STXBP4: variants seen among roughly 807,000 people sequenced by gnomAD.
STXBP4 encodes the protein syntaxin binding protein 4.
In STXBP4, 55 loss-of-function variants were observed where a neutral mutation model predicts 76.1. That is an observed-to-expected ratio of 0.72 (90% CI 0.58 to 0.91). The LOEUF (loss-of-function observed/expected upper bound fraction) is 0.91. Among genes scored for constraint, STXBP4 ranks in the 40% least tolerant of loss-of-function variants. The pLI is 0.00. For synonymous variants in STXBP4, 201 were observed against 220.2 expected (o/e 0.91, Z 0.77); for missense variants, 618 against 636.9 (o/e 0.97, Z 0.32).
intron 17 of STXBP4, among the ~76,000 whole-genome samples, chr17:55,146,052 A>G (rs2080149464): frequency 6.6e-6 from 1 of 152,168 alleles, no homozygotes; most frequent in Non-Finnish European, 1.5e-5. Context: ...AGTCTTTGGT[A>G]TGATTCCACT....
intron 7 of STXBP4, among the ~76,000 whole-genome samples, 164 bp from the exon 8 acceptor site, chr17:55,007,339 CAAA>C (rs374486256): frequency 8.3e-6 from 1 of 120,650 alleles, no homozygotes. Flanking sequence ...GTCCCCCCTC[CAAA>C]AAAAAAAAAG....
intron 16 of STXBP4, among the ~76,000 whole-genome samples, chr17:55,126,319 A>G (rs556886758): frequency 2.0e-5 from 3 of 152,350 alleles, no homozygotes; most frequent in South Asian, 4.1e-4. Context: ...TTATACCTAC[A>G]TGCAATGAAG....
intron 1 of STXBP4, among the ~76,000 whole-genome samples, chr17:54,977,363 C>T (rs2077487628): frequency 6.6e-6 from 1 of 152,150 alleles, no homozygotes; most frequent in Non-Finnish European, 1.5e-5. Flanking sequence ...CTTTACTGAA[C>T]ATGTACACAC....
intron 10 of STXBP4, among the ~76,000 whole-genome samples, chr17:55,035,974 A>T (rs949057277): frequency 6.6e-5 from 10 of 152,106 alleles, no homozygotes; most frequent in African/African-American, 9.6e-5. Context: ...GAGCTAATTA[A>T]CATATGCTTT....
chr17:55,138,279 A>G (rs1036190601), intron 16 of STXBP4, among the ~76,000 whole-genome samples: 8 of 152,138 alleles, frequency 5.3e-5, no homozygotes, highest in Non-Finnish European at 1.2e-4. Context: ...ATAATAAAGG[A>G]TCAATAAATA....
intron 16 of STXBP4, among the ~76,000 whole-genome samples, chr17:55,138,874 T>C (rs1407090410): frequency 3.3e-5 from 5 of 152,084 alleles, no homozygotes; most frequent in Non-Finnish European, 1.5e-5. Context: ...AATTGGACAG[T>C]GATTGTTTTC....
intron 16 of STXBP4, among the ~76,000 whole-genome samples, chr17:55,097,246 C>G (rs2144998124): frequency 6.6e-6 from 1 of 152,266 alleles, no homozygotes; most frequent in East Asian, 1.9e-4. Context: ...GCTTCTTAGA[C>G]AAGTTATTTT....
At chr17:55,085,596 G>T (rs1037955393) in intron 16 of STXBP4, among the ~76,000 whole-genome samples, 4 of 151,592 alleles carry the variant, frequency 2.6e-5, no homozygotes, top group African/African-American at 9.7e-5. Flanking sequence ...CTATGCTGGG[G>T]AATAGATGAA....
At chr17:55,110,352 T>A (rs1254283632) in intron 16 of STXBP4, among the ~76,000 whole-genome samples, 1 of 152,202 alleles carries the variant, frequency 6.6e-6, no homozygotes, top group Non-Finnish European at 1.5e-5. Context: ...TGGCTTAGGA[T>A]GTGGACATCA....
chr17:54,990,962 A>C lies in STXBP4; in HGVS notation c.180+5A>C. 6.5e-7 allele frequency: 1 copy of C among 1,544,532 alleles called. No individual in the cohort carries two copies. Among genetic ancestry groups the C allele is most frequent in the Non-Finnish European group, 8.7e-7 (1 of 1,152,888 alleles). ...CCTGGAGGAGACTGTTATAAGGTAA[A>C]AATATGTCCCATGCCCACCAAAAAT... is the stretch of plus-strand genomic sequence containing the variant. On this transcript the variant is annotated splice_donor_5th_base_variant and intron_variant, in intron 4 of 17. Transcript: ENST00000376352.
chr17:55,092,252 A>G (rs2144972773), intron 16 of STXBP4, among the ~76,000 whole-genome samples: 1 of 152,258 alleles, frequency 6.6e-6, no homozygotes, highest in East Asian at 1.9e-4. Flanking sequence ...CAGAAATCAC[A>G]CCTAAAGAAC....
the STXBP4 span, among the ~76,000 whole-genome samples, chr17:55,189,211 C>T: frequency 6.6e-6 from 1 of 152,088 alleles, no homozygotes; most frequent in African/African-American, 2.4e-5. Context: ...CCAAGTAAAA[C>T]ATTAATAGAT....
chr17:55,206,505 A>T, the STXBP4 span, among the ~76,000 whole-genome samples: 2 of 151,854 alleles, frequency 1.3e-5, no homozygotes, highest in African/African-American at 4.8e-5. Flanking sequence ...CTTCTCTTAC[A>T]CTCTTCCTTT....
At chr17:55,033,342 C>T (rs2078543126) in intron 9 of STXBP4, among the ~76,000 whole-genome samples, 1 of 151,720 alleles carries the variant, frequency 6.6e-6, no homozygotes, top group South Asian at 2.1e-4. Flanking sequence ...CCACTGCACT[C>T]CAGCCTGGGT....
intron 12 of STXBP4, among the ~76,000 whole-genome samples, chr17:55,055,123 T>C (rs2078907799): frequency 6.6e-6 from 1 of 152,198 alleles, no homozygotes; most frequent in Admixed American, 6.5e-5. Flanking sequence ...TAATTTTGAA[T>C]ACTAGTTTTG....
intron 17 of STXBP4, 27 bp from the exon 18 acceptor site, chr17:55,159,770 T>G: frequency 6.8e-7 from 1 of 1,467,400 alleles, no homozygotes; most frequent in Non-Finnish European, 9.5e-7. Flanking sequence ...TCTTTCAGAT[T>G]CTAATTGCAT....
rs78172727 is a variant in STXBP4, at chr17:55,159,355, G to A, written c.1548-442G>A. 8.8e-3 allele frequency among the ~76,000 whole-genome samples: 1,344 copies of A among 152,310 alleles called. 18 individuals are homozygous for A. The highest frequency in any genetic ancestry group is 0.03 in the African/African-American group (1,261 of 41,560). On this transcript the variant is annotated intron_variant, in intron 17 of 17. Coordinates refer to ENST00000376352, the MANE Select transcript of STXBP4 (RefSeq NM_178509.6). ...GAATGTTTAGCAAGTGAGTAACAGC[G>A]TATGATTTGTCATTTAGAAAGTTCT...
At chr17:55,073,108 A>T (rs566939031) in intron 13 of STXBP4, 32 bp downstream of exon 13, 2 of 1,604,324 alleles carry the variant, frequency 1.2e-6, no homozygotes, top group Admixed American at 1.7e-5. Flanking sequence ...TCCAGTTACC[A>T]TGGTTTCCTT....
At chr17:55,177,575 C>T (rs915652143), downstream of STXBP4, among the ~76,000 whole-genome samples, 3 of 152,196 alleles carry the variant, frequency 2.0e-5, no homozygotes, top group African/African-American at 4.8e-5. Flanking sequence ...GAAGGAAGCA[C>T]ACCAGAGCCA....
Sources: allele counts gnomAD v4.1 joint callset (sites outside exome capture counted in the v4.1 genomes callset), GRCh38; gene constraint gnomAD v4.1.1; transcripts MANE v1.5; gene names NCBI Gene and HGNC (gene_info 2026-07-23, HGNC 2026-07-21).